The following PIK3C2A variants were observed in gnomAD, a reference collection of about 807,000 sequenced individuals.
PIK3C2A encodes phosphatidylinositol-4-phosphate 3-kinase catalytic subunit type 2 alpha, also known as phosphatidylinositol 4-phosphate 3-kinase C2 domain-containing subunit alpha.
In PIK3C2A, 97 loss-of-function variants were observed where a neutral mutation model predicts 204.5. The ratio of observed to expected loss-of-function variants is 0.47; its 90% CI spans 0.40 to 0.56. PIK3C2A has a LOEUF of 0.56. Ranked by LOEUF, PIK3C2A falls within the 20% of genes least tolerant of loss-of-function variation. PIK3C2A has a pLI of 0.00. For synonymous variants in PIK3C2A, 653 were observed against 664.4 expected (o/e 0.98, Z 0.26); for missense variants, 1,735 against 1,969.2 (o/e 0.88, Z 2.25).
At chr11:17,166,293 T>C (rs1483320491) in intron 2 of PIK3C2A, among the ~76,000 whole-genome samples, 1 of 151,972 alleles carries the variant, frequency 6.6e-6, no homozygotes, top group Non-Finnish European at 1.5e-5. Context: ...AAAATAATAA[T>C]AAATAAAGAG....
intron 1 of PIK3C2A, among the ~76,000 whole-genome samples, chr11:17,206,563 C>T (rs1264162098): frequency 6.7e-6 from 1 of 149,546 alleles, no homozygotes; most frequent in Non-Finnish European, 1.5e-5. Flanking sequence ...CCAGCCTGGG[C>T]GACACAGTGA....
intron 20 of PIK3C2A, 127 bp downstream of exon 20, chr11:17,114,234 C>T: frequency 3.8e-6 from 2 of 521,228 alleles, no homozygotes; most frequent in Middle Eastern, 5.2e-4. Flanking sequence ...ATCCTAATCA[C>T]AACCATCCAT....
chr11:17,179,238 C>T (rs1029483691), intron 1 of PIK3C2A, among the ~76,000 whole-genome samples: 8 of 152,046 alleles, frequency 5.3e-5, no homozygotes, highest in East Asian at 1.9e-4. Context: ...CATAGCTCAC[C>T]GTAACCTAGA....
chr11:17,182,174 A>G (rs1191942750), intron 1 of PIK3C2A, among the ~76,000 whole-genome samples: 1 of 152,100 alleles, frequency 6.6e-6, no homozygotes, highest in Admixed American at 6.6e-5. Flanking sequence ...TTGGGGTACT[A>G]GCAATGTTCT....
intron 1 of PIK3C2A, 46 bp from the exon 2 acceptor site, chr11:17,169,852 A>C: frequency 1.3e-6 from 1 of 750,252 alleles, no homozygotes; most frequent in Non-Finnish European, 2.1e-6. Flanking sequence ...TTCTAAACAT[A>C]AATATATTTT....
chr11:17,195,998 C>T (rs1280461414), intron 1 of PIK3C2A, among the ~76,000 whole-genome samples: 1 of 151,902 alleles, frequency 6.6e-6, no homozygotes, highest in Non-Finnish European at 1.5e-5. Flanking sequence ...GAGATAGTGC[C>T]ACTGCACTCC....
chr11:17,135,837 G>C (rs1196226814), intron 9 of PIK3C2A, among the ~76,000 whole-genome samples: 1 of 152,100 alleles, frequency 6.6e-6, no homozygotes, highest in Non-Finnish European at 1.5e-5. Flanking sequence ...TAGATATCGA[G>C]GGGCACACCA....
chr11:17,137,903 C>T lies in PIK3C2A; in HGVS notation c.1705-1278G>A, dbSNP rs559533922. ...GGCCAAGAGCATTAGGAAGACACTT[C>T]CCATCTGGGTTCCTGCCTTCTAATT... is the stretch of plus-strand genomic sequence containing the variant. On this transcript the variant is annotated intron_variant, in intron 8 of 32. Transcript: ENST00000691414. The T allele has an allele frequency of 2.0e-4, 76 of 388,132 alleles. 1 individual carries two copies. The highest frequency in any genetic ancestry group is 8.2e-4 in the Middle Eastern group (1 of 1,216). The allele number at this position is 388,132 out of a possible 1,614,324, so 24.0% of individuals were successfully genotyped here. A position where few individuals can be genotyped will look rare whatever the true frequency, so the allele number is the denominator to read the frequency against.
At position 17,092,199 on chromosome 11, in the gene PIK3C2A, TA is replaced by T; in HGVS notation, c.4528del (p.Tyr1510ThrfsTer5). 1 of 1,606,394 alleles carries T rather than the reference TA, an allele frequency of 6.2e-7. No individual in the cohort carries two copies. The highest frequency in any genetic ancestry group is 8.5e-7 in the Non-Finnish European group (1 of 1,172,954). On this transcript the variant is annotated frameshift_variant, in exon 29 of 33. Coordinates refer to ENST00000691414, the MANE Select transcript of PIK3C2A (RefSeq NM_002645.4). LOFTEE classifies it high-confidence loss of function. ...AAKRKIELNS[Y>X]LQSLMNASTD... ...TGAAGCATTCATCAAACTCTGTAAG[TA>T]ACTGTTTAACTCAATTTTCCTTTTG...
At chr11:17,130,895 T>C (rs1849671861) in intron 12 of PIK3C2A, among the ~76,000 whole-genome samples, 1 of 150,182 alleles carries the variant, frequency 6.7e-6, no homozygotes. Flanking sequence ...TTTAAGATAA[T>C]GTTTTTTTCG....
intron 15 of PIK3C2A, among the ~76,000 whole-genome samples, chr11:17,120,936 A>G (rs1310331477): frequency 6.6e-6 from 1 of 151,954 alleles, no homozygotes; most frequent in Non-Finnish European, 1.5e-5. Flanking sequence ...CAGCCTCCCA[A>G]GTAGCTGGGA....
rs1177146315 is a variant in PIK3C2A, at chr11:17,102,662, C to A, written c.3851G>T (p.Arg1284Met). ...GHAQMFGSFK[R>M]DRAPFVLTSD... is the part of the protein sequence containing the mutation. ...TTTGGCAACAGCAATAACATTATAC[C>A]TTTTGAAGCTGCCAAACATCTGTGC... Residue 1284 changes from arginine to methionine, a missense_variant and splice_region_variant, in exon 24 of 33, where the codon AGG (arginine) becomes ATG (methionine). Transcript: ENST00000691414. 3 of 1,606,122 alleles carry A rather than the reference C, an allele frequency of 1.9e-6. No individual in the cohort carries two copies. The highest frequency in any genetic ancestry group is 8.5e-7 in the Non-Finnish European group (1 of 1,176,930).
At chr11:17,125,138 TA>T (rs1348441083) in intron 13 of PIK3C2A, among the ~76,000 whole-genome samples, 1 of 152,188 alleles carries the variant, frequency 6.6e-6, no homozygotes, top group Non-Finnish European at 1.5e-5. Flanking sequence ...AAAAACTATT[TA>T]ATGGTTTTAG....
rs1456352251 is a variant in PIK3C2A at position 17,088,111 on chromosome 11, A to G, written c.*1627T>C. On this transcript the variant is annotated 3_prime_UTR_variant, in exon 33 of 33. Coordinates refer to ENST00000691414, the MANE Select transcript of PIK3C2A (RefSeq NM_002645.4). Reference sequence around the variant, plus strand: ...TTGTCAGTTTTCTCACAGCAACCTGATTGGTACAATTTCTATTACCATTTT... The same window carrying G: ...TTGTCAGTTTTCTCACAGCAACCTGGTTGGTACAATTTCTATTACCATTTT... The G allele has an allele frequency of 6.6e-6, 1 of 152,150 alleles. No individual in the cohort carries two copies. The highest frequency in any genetic ancestry group is 1.5e-5 in the Non-Finnish European group (1 of 68,028). 9.4% of individuals were successfully genotyped at this position (152,150 alleles called of 1,614,324 possible).
chr11:17,198,811 CA>C (rs1182883086), intron 1 of PIK3C2A, among the ~76,000 whole-genome samples: 28 of 97,684 alleles, frequency 2.9e-4, no homozygotes, highest in African/African-American at 1.1e-3. Flanking sequence ...AAAAACAAAA[CA>C]AAACAAAAAA....
chr11:17,091,749 G>A, intron 30 of PIK3C2A, 93 bp from the exon 31 acceptor site: 1 of 839,764 alleles, frequency 1.2e-6, no homozygotes, highest in Non-Finnish European at 1.9e-6. Context: ...ACTGTCACAT[G>A]TGGTGCGGAC....
At chr11:17,183,722 A>G (rs1851647372) in intron 1 of PIK3C2A, among the ~76,000 whole-genome samples, 1 of 152,060 alleles carries the variant, frequency 6.6e-6, no homozygotes, top group Admixed American at 6.6e-5. Context: ...TAAGTTATGT[A>G]CATATAGGAA....
rs529100003 is a variant in PIK3C2A at position 17,095,508 on chromosome 11, G to A, written c.4327-1123C>T. Among the ~76,000 whole-genome samples, 77 of 151,050 alleles carry A rather than the reference G, an allele frequency of 5.1e-4. No homozygotes were observed. The East Asian group carries it at 0.013, about 25-fold the overall frequency. On this transcript the variant is annotated intron_variant, in intron 27 of 32. Transcript: ENST00000691414. ...TGGGAGGCTGAGGCAGGAGAATGGC[G>A]TGAACCCGGGAGGCAGAGCTTGCAG...
intron 28 of PIK3C2A, among the ~76,000 whole-genome samples, 161 bp from the exon 29 acceptor site, chr11:17,092,437 C>G (rs569127327): frequency 6.6e-6 from 1 of 152,068 alleles, no homozygotes; most frequent in Non-Finnish European, 1.5e-5. Flanking sequence ...GAGGCCAAGG[C>G]GGGTGGATCA....
Sources: allele counts gnomAD v4.1 joint callset (sites outside exome capture counted in the v4.1 genomes callset), GRCh38; gene constraint gnomAD v4.1.1; transcripts MANE v1.5; gene names NCBI Gene and HGNC (gene_info 2026-07-23, HGNC 2026-07-21).